PCDHGA9: variants seen among roughly 807,000 people sequenced by gnomAD.
The protein encoded by PCDHGA9 is protocadherin gamma-A9.
Under a neutral mutation model 62.5 loss-of-function variants are expected in PCDHGA9, and 37 were observed. That is an observed-to-expected ratio of 0.59 (90% CI 0.46 to 0.78). The LOEUF (loss-of-function observed/expected upper bound fraction) is 0.78, where lower values mean the gene tolerates loss of function less well. Among genes scored for constraint, PCDHGA9 ranks in the 30% least tolerant of loss-of-function variants. PCDHGA9 has a pLI of 0.00. For synonymous variants in PCDHGA9, 459 were observed against 484.6 expected (o/e 0.95, Z 0.69); for missense variants, 1,138 against 1,166.2 (o/e 0.98, Z 0.35).
At chr5:141,448,215 C>T (rs927573458) in intron 1 of PCDHGA9, among the ~76,000 whole-genome samples, 5 of 152,046 alleles carry the variant, frequency 3.3e-5, no homozygotes, top group African/African-American at 9.7e-5. Flanking sequence ...TGTGTGTATG[C>T]GAATGTATGT....
At chr5:141,452,281 T>C (rs948141174) in intron 1 of PCDHGA9, among the ~76,000 whole-genome samples, 1 of 152,232 alleles carries the variant, frequency 6.6e-6, no homozygotes, top group African/African-American at 2.4e-5. Flanking sequence ...CCTTTCTTAC[T>C]TTCTGATATA....
intron 1 of PCDHGA9, among the ~76,000 whole-genome samples, chr5:141,424,964 A>G (rs62378457): frequency 0.11 from 16,148 of 152,126 alleles, 960 homozygotes; most frequent in African/African-American, 0.17. Flanking sequence ...ATTTGCCCCA[A>G]ATTACTTGGA....
At chr5:141,460,455 A>G (rs1021070289) in intron 1 of PCDHGA9, among the ~76,000 whole-genome samples, 2 of 152,080 alleles carry the variant, frequency 1.3e-5, no homozygotes, top group African/African-American at 4.8e-5. Context: ...GAAGATTCAT[A>G]TTTTTTTCCA....
intron 1 of PCDHGA9, chr5:141,409,213 C>A (rs1379007048): frequency 6.2e-7 from 1 of 1,613,994 alleles, no homozygotes; most frequent in East Asian, 2.2e-5. Context: ...TCATAGAAAT[C>A]CTTGATGAAA....
rs925034052 is a variant in PCDHGA9, at chr5:141,486,630, T to G, written c.2425-8177T>G. 2 of 1,613,690 alleles carry G rather than the reference T, an allele frequency of 1.2e-6. No individual in the cohort carries two copies. Among genetic ancestry groups the G allele is most frequent in the Non-Finnish European group, 1.7e-6 (2 of 1,180,028 alleles). ...GCAGCCTCTGACCCAGACTCTGGCTTGAATGCGCTTATCTCCTACTCACTC... is the reference window on the plus strand; with the variant it reads ...GCAGCCTCTGACCCAGACTCTGGCTGGAATGCGCTTATCTCCTACTCACTC... On this transcript the variant is annotated intron_variant, in intron 1 of 3. Coordinates refer to ENST00000573521, the MANE Select transcript of PCDHGA9 (RefSeq NM_018921.3). This position sits in a 1 kb window ranked among gnomAD's most constrained non-coding sequence, Gnocchi z 5.0.
rs764389909 is a variant in PCDHGA9, at chr5:141,491,064, ACTGTTG to A, written c.2425-3741_2425-3736del. On this transcript the variant is annotated intron_variant, in intron 1 of 3. Transcript: ENST00000573521. The surrounding 1 kb of genome is among the most constrained non-coding windows in gnomAD (Gnocchi z 6.9). ...GCCACAATGCGTGGCTCTCCTACTCACTGTTGCCACAGTCCACAGCCCCAGGACTGT... is the reference window on the plus strand; with the variant it reads ...GCCACAATGCGTGGCTCTCCTACTCACCACAGTCCACAGCCCCAGGACTGT... 1.2e-6 allele frequency: 2 copies of A among 1,613,962 alleles called. No homozygotes were observed. Among genetic ancestry groups the A allele is most frequent in the Admixed American group, 3.3e-5 (2 of 60,010 alleles).
At position 141,477,368 on chromosome 5, in the gene PCDHGA9, G is replaced by A; in HGVS notation, c.2425-17439G>A. Reference sequence around the variant, plus strand: ...GAAAACCAGTGCAGACCTGGATCGGGAGACTGTGCCAGAATACAACCTCAG... The same window carrying A: ...GAAAACCAGTGCAGACCTGGATCGGAAGACTGTGCCAGAATACAACCTCAG... On this transcript the variant is annotated intron_variant, in intron 1 of 3. Coordinates refer to ENST00000573521, the MANE Select transcript of PCDHGA9 (RefSeq NM_018921.3). The surrounding 1 kb of genome is among the most constrained non-coding windows in gnomAD (Gnocchi z 4.9). 6.2e-7 allele frequency: 1 copy of A among 1,614,132 alleles called. No individual in the cohort carries two copies. Among genetic ancestry groups the A allele is most frequent in the Non-Finnish European group, 8.5e-7 (1 of 1,180,024 alleles).
chr5:141,427,805 A>G lies in PCDHGA9; in HGVS notation c.2424+22429A>G, dbSNP rs1010656936. The G allele has an allele frequency of 3.3e-6, 5 of 1,520,154 alleles. No homozygotes were observed. In the African/African-American group the frequency reaches 4.1e-5, roughly 12 times the overall value. 94.2% of individuals were successfully genotyped at this position (1,520,154 alleles called of 1,614,324 possible). ...TGTCGTCCTACGTGTCCGTGAGCGC[A>G]CAGAGCGGGGTGGTGGTCGCGCAGC... On this transcript the variant is annotated intron_variant, in intron 1 of 3. Coordinates refer to ENST00000573521, the MANE Select transcript of PCDHGA9 (RefSeq NM_018921.3).
At chr5:141,502,914 T>G (rs78646636) in intron 2 of PCDHGA9, among the ~76,000 whole-genome samples, 4,865 of 139,540 alleles carry the variant, frequency 0.035, 119 homozygotes, top group South Asian at 0.075. Flanking sequence ...CAGGCTGGAG[T>G]GCAGTGGCAA....
At position 141,489,097 on chromosome 5, in the gene PCDHGA9, C is replaced by A; in HGVS notation, c.2425-5710C>A. ...ACCCCCGCCACTCGGTGACTAAGAA[C>A]TGCTGCAAGCAGGCAAACCTCCGAG... On this transcript the variant is annotated intron_variant, in intron 1 of 3. Transcript: ENST00000573521. This position sits in a 1 kb window ranked among gnomAD's most constrained non-coding sequence, Gnocchi z 4.5. The A allele has an allele frequency of 2.6e-5, 8 of 313,358 alleles. No homozygotes were observed. Among genetic ancestry groups the A allele is most frequent in the Non-Finnish European group, 3.5e-5 (6 of 172,456 alleles). The allele number at this position is 313,358 out of a possible 1,614,324, so 19.4% of individuals were successfully genotyped here. A position where few individuals can be genotyped will look rare whatever the true frequency, so the allele number is the denominator to read the frequency against.
chr5:141,442,149 T>C, intron 1 of PCDHGA9: 1 of 159,274 alleles, frequency 6.3e-6, no homozygotes, highest in Non-Finnish European at 1.4e-5. Flanking sequence ...CTGCCAGACC[T>C]CAGCGATCAC....
At chr5:141,494,365 C>A (rs193174055) in intron 1 of PCDHGA9, among the ~76,000 whole-genome samples, 20 of 152,290 alleles carry the variant, frequency 1.3e-4, no homozygotes, top group Non-Finnish European at 2.2e-4. Context: ...GCAGAGGATG[C>A]TTTGTTCCCA....
At chr5:141,459,710 C>T (rs2098973565) in intron 1 of PCDHGA9, among the ~76,000 whole-genome samples, 1 of 152,204 alleles carries the variant, frequency 6.6e-6, no homozygotes, top group Non-Finnish European at 1.5e-5. Flanking sequence ...CATTTTCTCA[C>T]CAATGCTTCC....
chr5:141,461,037 G>T (rs1254497108), intron 1 of PCDHGA9, among the ~76,000 whole-genome samples: 1 of 150,988 alleles, frequency 6.6e-6, no homozygotes, highest in Non-Finnish European at 1.5e-5. Flanking sequence ...CCACTCATTA[G>T]TCGATGGGGA....
At chr5:141,500,455 C>T (rs1254764658) in intron 2 of PCDHGA9, among the ~76,000 whole-genome samples, 4 of 151,986 alleles carry the variant, frequency 2.6e-5, no homozygotes, top group Non-Finnish European at 5.9e-5. Context: ...GTGATCCGCC[C>T]GCCTCGGCCT....
chr5:141,477,189 A>G lies in PCDHGA9; in HGVS notation c.2425-17618A>G, dbSNP rs377372902. ...CCGGAGATCACAGTCACCTCCGTGT[A>G]CAGCCCAGTACCCGAGGATGCCCCT... On this transcript the variant is annotated intron_variant, in intron 1 of 3. Coordinates refer to ENST00000573521, the MANE Select transcript of PCDHGA9 (RefSeq NM_018921.3). The surrounding 1 kb of genome is among the most constrained non-coding windows in gnomAD (Gnocchi z 4.9). 6.2e-7 allele frequency: 1 copy of G among 1,614,070 alleles called. No homozygotes were observed. The highest frequency in any genetic ancestry group is 8.5e-7 in the Non-Finnish European group (1 of 1,180,040).
chr5:141,415,375 G>A (rs1453832867), intron 1 of PCDHGA9: 12 of 1,614,258 alleles, frequency 7.4e-6, no homozygotes, highest in South Asian at 1.1e-5. Context: ...GGCTTCAGGA[G>A]GCGGCTTGAC....
chr5:141,418,299 G>C lies in PCDHGA9; in HGVS notation c.2424+12923G>C, dbSNP rs767901461. 5 of 1,614,046 alleles carry C rather than the reference G, an allele frequency of 3.1e-6. No individual in the cohort carries two copies. In the Admixed American group the frequency reaches 8.3e-5, roughly 27 times the overall value. On this transcript the variant is annotated intron_variant, in intron 1 of 3. Coordinates refer to ENST00000573521, the MANE Select transcript of PCDHGA9 (RefSeq NM_018921.3). ...AACTTAGAAATCAGTGAATCCGTCA[G>C]CCTGGGGATGGGAACAATTCTTGAG...
chr5:141,439,297 G>T (rs1252051365), intron 1 of PCDHGA9, among the ~76,000 whole-genome samples: 1 of 152,064 alleles, frequency 6.6e-6, no homozygotes, highest in African/African-American at 2.4e-5. Context: ...CATGGAAAAA[G>T]TAAAGCCCAG....
Sources: allele counts gnomAD v4.1 joint callset (sites outside exome capture counted in the v4.1 genomes callset), GRCh38; gene constraint gnomAD v4.1.1; non-coding constraint Gnocchi (gnomAD v3.1); transcripts MANE v1.5; gene names NCBI Gene and HGNC (gene_info 2026-07-23, HGNC 2026-07-21).